AASDHPPT: variants seen among roughly 807,000 people sequenced by gnomAD.
AASDHPPT encodes aminoadipate-semialdehyde dehydrogenase-phosphopantetheinyl transferase, also known as L-aminoadipate-semialdehyde dehydrogenase-phosphopantetheinyl transferase.
A neutral mutation model predicts 36.4 loss-of-function variants in AASDHPPT; 23 were observed. The ratio of observed to expected loss-of-function variants is 0.63; its 90% CI spans 0.45 to 0.89. AASDHPPT has a LOEUF of 0.89. Ranked by LOEUF, AASDHPPT falls within the 40% of genes least tolerant of loss-of-function variation. The pLI is 0.00. For synonymous variants in AASDHPPT, 115 were observed against 128.0 expected (o/e 0.90, Z 0.68); for missense variants, 377 against 378.2 (o/e 1.00, Z 0.03).
Position 106,096,938 on chromosome 11 carries a change from A to G in AASDHPPT, c.*31A>G. On this transcript the variant is annotated 3_prime_UTR_variant, in exon 6 of 6. Coordinates refer to ENST00000278618, the MANE Select transcript of AASDHPPT (RefSeq NM_015423.3). The stretch of plus-strand genomic sequence containing the variant: ...CCCTGAGTAACAAAGGGAAATGAAA[A>G]CTGTTTGTGATCTTCCGTATTCACT... 1 of 1,561,136 alleles carries G rather than the reference A, an allele frequency of 6.4e-7. No individual in the cohort carries two copies. The highest frequency in any genetic ancestry group is 1.7e-4 in the Middle Eastern group (1 of 5,966).
chr11:106,079,393 A>C (rs1861106487), intron 1 of AASDHPPT, 74 bp from the exon 2 acceptor site: 3 of 1,274,250 alleles, frequency 2.4e-6, no homozygotes, highest in Admixed American at 3.1e-5. Context: ...ACCAAAAAAA[A>C]GTACTATTGC....
chr11:106,082,932 A>G (rs1861158526), intron 2 of AASDHPPT, among the ~76,000 whole-genome samples: 1 of 152,244 alleles, frequency 6.6e-6, no homozygotes, highest in Non-Finnish European at 1.5e-5. Context: ...GCAAAATAAA[A>G]TAGACAAAAT....
At chr11:106,080,795 G>A (rs1013303543) in intron 2 of AASDHPPT, among the ~76,000 whole-genome samples, 9 of 152,090 alleles carry the variant, frequency 5.9e-5, no homozygotes, top group African/African-American at 2.2e-4. Context: ...TTGAATATGT[G>A]GCTCTCTCAG....
chr11:106,079,200 C>T (rs1375639039), intron 1 of AASDHPPT, among the ~76,000 whole-genome samples: 1 of 152,124 alleles, frequency 6.6e-6, no homozygotes, highest in Non-Finnish European at 1.5e-5. Flanking sequence ...TGTAAATGCA[C>T]ATATATTTAA....
At chr11:106,078,670 A>T (rs941974902) in intron 1 of AASDHPPT, among the ~76,000 whole-genome samples, 1 of 152,130 alleles carries the variant, frequency 6.6e-6, no homozygotes, top group Admixed American at 6.5e-5. Context: ...AAAATTTTTT[A>T]CTCATTTGTA....
At chr11:106,084,757 G>A (rs1289383991) in intron 2 of AASDHPPT, among the ~76,000 whole-genome samples, 1 of 151,950 alleles carries the variant, frequency 6.6e-6, no homozygotes, top group African/African-American at 2.4e-5. Context: ...AGCCTCCAGT[G>A]TAGCTGGGAT....
intron 1 of AASDHPPT, 73 bp downstream of exon 1, chr11:106,077,966 C>A: frequency 6.6e-7 from 1 of 1,510,434 alleles, no homozygotes; most frequent in East Asian, 2.4e-5. Context: ...GCTGTGGAGA[C>A]CCGACACTCC....
At chr11:106,083,050 T>A (rs899660785) in intron 2 of AASDHPPT, among the ~76,000 whole-genome samples, 3 of 152,096 alleles carry the variant, frequency 2.0e-5, no homozygotes, top group Non-Finnish European at 2.9e-5. Context: ...CTTTTTTTTT[T>A]AAATGCACTT....
At chr11:106,093,127 A>G (rs958204203) in intron 4 of AASDHPPT, 3 of 152,210 alleles carry the variant, frequency 2.0e-5, no homozygotes, top group African/African-American at 7.2e-5. Context: ...AGCTGGGTCA[A>G]TAACTGCTAA....
intron 2 of AASDHPPT, among the ~76,000 whole-genome samples, chr11:106,081,220 C>G (rs1861136114): frequency 6.6e-6 from 1 of 152,118 alleles, no homozygotes; most frequent in South Asian, 2.1e-4. Context: ...TTGTCCTTAC[C>G]TTGCATTTTC....
In AASDHPPT at chr11:106,077,739, TG is replaced by T. The variant is rs752702908; in HGVS notation, c.31del (p.Val11CysfsTer55). Reference protein sequence around the residue: MVFPAKRFCLVPSMEGVRWA... With the variant: MVFPAKRFCXVPSMEGVRWA... ...GTTTTCCCTGCCAAACGGTTCTGCT[TG>T]GTGCCATCCATGGAGGGCGTGCGCT... is the stretch of plus-strand genomic sequence containing the variant. On this transcript the variant is annotated frameshift_variant, in exon 1 of 6. Transcript: ENST00000278618. LOFTEE classifies it high-confidence loss of function. 6.2e-7 allele frequency: 1 copy of T among 1,614,084 alleles called. No homozygotes were observed. The highest frequency in any genetic ancestry group is 8.5e-7 in the Non-Finnish European group (1 of 1,179,966).
chr11:106,088,143 C>T (rs142426995), intron 2 of AASDHPPT, among the ~76,000 whole-genome samples: 1 of 152,092 alleles, frequency 6.6e-6, no homozygotes, highest in African/African-American at 2.4e-5. Flanking sequence ...AAAACGCACT[C>T]GTATCGGATA....
intron 2 of AASDHPPT, among the ~76,000 whole-genome samples, chr11:106,087,684 G>A (rs948672034): frequency 1.3e-5 from 2 of 152,118 alleles, no homozygotes; most frequent in Non-Finnish European, 2.9e-5. Flanking sequence ...GGATCTAAAT[G>A]ATTTTGTTGT....
chr11:106,087,753 C>T (rs945449022), intron 2 of AASDHPPT, among the ~76,000 whole-genome samples: 3 of 152,126 alleles, frequency 2.0e-5, no homozygotes, highest in African/African-American at 7.2e-5. Context: ...ATTAGTTAAT[C>T]ATTCCAGAAT....
chr11:106,084,577 G>A (rs547366245), intron 2 of AASDHPPT, among the ~76,000 whole-genome samples: 1 of 152,102 alleles, frequency 6.6e-6, no homozygotes, highest in African/African-American at 2.4e-5. Context: ...GATTACAGGC[G>A]TGAGGTGTGA....
At position 106,091,325 on chromosome 11, in the gene AASDHPPT, G is replaced by A; in HGVS notation, c.541G>A (p.Glu181Lys). The A allele has an allele frequency of 6.3e-7, 1 of 1,590,984 alleles. No homozygotes were observed. Among genetic ancestry groups the A allele is most frequent in the Non-Finnish European group, 8.5e-7 (1 of 1,173,662 alleles). The part of the protein sequence containing the change: ...DMFYRNWALK[E>K]SFIKAIGVGL... ...TCTTTCTGTATCTTAGGCACTTAAG[G>A]AAAGCTTCATAAAAGCCATTGGTGT... The change falls in exon 4 of 6, where the codon GAA (glutamate) becomes AAA (lysine). Residue 181 changes from glutamate (E) to lysine (K), a missense_variant. By Grantham distance (56) the Glu-to-Lys change is moderately conservative. Coordinates refer to ENST00000278618, the MANE Select transcript of AASDHPPT (RefSeq NM_015423.3).
At chr11:106,078,317 C>T (rs534418475) in intron 1 of AASDHPPT, among the ~76,000 whole-genome samples, 5 of 152,246 alleles carry the variant, frequency 3.3e-5, no homozygotes, top group Non-Finnish European at 5.9e-5. Context: ...CAAGGACTCC[C>T]TGCACGTGGT....
chr11:106,094,803 T>C (rs1339219435), intron 5 of AASDHPPT, 149 bp downstream of exon 5: 2 of 531,372 alleles, frequency 3.8e-6, no homozygotes, highest in East Asian at 3.5e-5. Context: ...TTAGCAAATA[T>C]TAAGATCACT....
At chr11:106,077,926 A>G in intron 1 of AASDHPPT, 33 bp downstream of exon 1, 1 of 1,604,168 alleles carries the variant, frequency 6.2e-7, no homozygotes, top group South Asian at 1.1e-5. Context: ...TTTAGAGCCT[A>G]GGAAGCAGAT....
Sources: gnomAD v4.1 joint callset for allele counts (sites outside exome capture counted in the v4.1 genomes callset) on GRCh38, gnomAD v4.1.1 for gene constraint, MANE v1.5 for transcripts, NCBI Gene and HGNC (gene_info 2026-07-23, HGNC 2026-07-21) for gene names.